Variants in TRAK1 observed in about 807,000 individuals in gnomAD.
The protein encoded by TRAK1 is trafficking kinesin-binding protein 1.
TRAK1 carries 33 observed loss-of-function variants against 92.1 expected under a neutral mutation model. That is an observed-to-expected ratio of 0.36 (90% CI 0.27 to 0.48). The LOEUF (loss-of-function observed/expected upper bound fraction) is 0.48, where lower values mean the gene tolerates loss of function less well. Ranked by LOEUF, TRAK1 falls within the 20% of genes least tolerant of loss-of-function variation. The probability of loss-of-function intolerance (pLI) is 0.99; values close to 1 mark genes in which losing one functional copy is unlikely to be tolerated. For missense variants in TRAK1, 1,123 were observed against 1,257.9 expected, an observed-to-expected ratio of 0.89 and a Z score of 1.62; for synonymous variants, 521 against 517.3, an observed-to-expected ratio of 1.01 and a Z score of -0.10.
At chr3:42,207,236 TCA>T (rs1708437779) in intron 13 of TRAK1, among the ~76,000 whole-genome samples, 3 of 152,168 alleles carry the variant, frequency 2.0e-5, no homozygotes, top group African/African-American at 7.2e-5. Context: ...TATTTTGTTA[TCA>T]GGAATGTGCC....
In TRAK1 at chr3:42,042,691, A is replaced by G. The variant is rs148696022; in HGVS notation, c.-519+28574A>G. ...CAGCCTGGAACTTTTATTTTTTTCA[A>G]TGACATAGAGACTTCTGAGTAGAAA... is the stretch of plus-strand genomic sequence containing the variant. On this transcript the variant is annotated intron_variant, in intron 1 of 16. Coordinates refer to the TRAK1 transcript ENST00000487159. Among the ~76,000 whole-genome samples, 875 of 152,188 alleles carry G rather than the reference A, an allele frequency of 5.7e-3. 5 individuals carry two copies. The highest frequency in any genetic ancestry group is 0.019 in the African/African-American group (806 of 41,524).
At chr3:42,028,936 A>G (rs1383822492) in intron 1 of TRAK1, among the ~76,000 whole-genome samples, 1 of 152,168 alleles carries the variant, frequency 6.6e-6, no homozygotes, top group Non-Finnish European at 1.5e-5. Flanking sequence ...TGGGTAATTT[A>G]CAAAGAAAAG....
intron 1 of TRAK1, among the ~76,000 whole-genome samples, chr3:42,058,483 G>GC (rs1171647527): frequency 6.6e-6 from 1 of 151,418 alleles, no homozygotes; most frequent in Non-Finnish European, 1.5e-5. Context: ...GATTACAGGC[G>GC]CCCCCGCCAC....
At chr3:42,084,007 A>G (rs1179420191), upstream of TRAK1, among the ~76,000 whole-genome samples, 1 of 152,050 alleles carries the variant, frequency 6.6e-6, no homozygotes, top group Non-Finnish European at 1.5e-5. Flanking sequence ...GGAATTTAAA[A>G]TTTTTACTAG....
intron 1 of TRAK1, among the ~76,000 whole-genome samples, chr3:42,027,430 G>A (rs188307900): frequency 1.7e-3 from 262 of 152,116 alleles, no homozygotes; most frequent in Non-Finnish European, 3.1e-3. Flanking sequence ...GGCTGAGGCA[G>A]GAGAATGGCG....
chr3:42,122,833 C>T (rs1014335461), intron 1 of TRAK1, among the ~76,000 whole-genome samples: 5 of 152,202 alleles, frequency 3.3e-5, no homozygotes, highest in Middle Eastern at 3.4e-3. Context: ...TGCAAAGTGA[C>T]GGAGCAGGTC....
intron 1 of TRAK1, among the ~76,000 whole-genome samples, chr3:42,094,374 CTT>C (rs1249206069): frequency 6.6e-6 from 1 of 152,160 alleles, no homozygotes; most frequent in Admixed American, 6.5e-5. Context: ...GGAGCTGAAA[CTT>C]TATTTTACTT....
intron 4 of TRAK1, among the ~76,000 whole-genome samples, chr3:42,187,462 G>A (rs1179884150): frequency 1.3e-5 from 2 of 152,112 alleles, no homozygotes; most frequent in Non-Finnish European, 2.9e-5. Context: ...ATCCCCACAA[G>A]CATCATTCTT....
intron 10 of TRAK1, among the ~76,000 whole-genome samples, chr3:42,198,361 T>C (rs1707048154): frequency 6.6e-6 from 1 of 152,204 alleles, no homozygotes; most frequent in African/African-American, 2.4e-5. Context: ...GAGAAACATG[T>C]GAGCTGTTGA....
At chr3:42,083,815 A>G (rs1704541512), upstream of TRAK1, among the ~76,000 whole-genome samples, 1 of 152,112 alleles carries the variant, frequency 6.6e-6, no homozygotes, top group South Asian at 2.1e-4. Context: ...GGCTGCGGTG[A>G]GCTGTGATTG....
chr3:42,166,489 T>C (rs1442675053), intron 2 of TRAK1, among the ~76,000 whole-genome samples: 1 of 152,224 alleles, frequency 6.6e-6, no homozygotes, highest in Non-Finnish European at 1.5e-5. Context: ...CATGGTTGTG[T>C]CTCTCTCGAC....
intron 1 of TRAK1, among the ~76,000 whole-genome samples, chr3:42,042,754 GAAAACGAT>G (rs1702598268): frequency 6.6e-6 from 1 of 152,080 alleles, no homozygotes; most frequent in African/African-American, 2.4e-5. Flanking sequence ...GTGAACCCAT[GAAAACGAT>G]TGCTTCACAG....
intron 2 of TRAK1, among the ~76,000 whole-genome samples, chr3:42,148,372 A>C (rs772565459): frequency 1.4e-4 from 22 of 152,238 alleles, no homozygotes; most frequent in Non-Finnish European, 3.2e-4. Flanking sequence ...TTAGGGAATG[A>C]AATTCAACCT....
chr3:42,129,400 A>G (rs1177403825), intron 2 of TRAK1, among the ~76,000 whole-genome samples: 3 of 152,148 alleles, frequency 2.0e-5, no homozygotes, highest in African/African-American at 7.2e-5. Context: ...TGCAGATCAG[A>G]GCAGACACAG....
At chr3:42,195,662 C>G (rs1706505174) in intron 10 of TRAK1, among the ~76,000 whole-genome samples, 1 of 151,998 alleles carries the variant, frequency 6.6e-6, no homozygotes, top group Non-Finnish European at 1.5e-5. Context: ...TTCTTTGCTC[C>G]CATGCATCAA....
intron 1 of TRAK1, among the ~76,000 whole-genome samples, chr3:42,025,767 T>C (rs557705034): frequency 2.3e-4 from 35 of 152,062 alleles, no homozygotes; most frequent in Admixed American, 1.7e-3. Flanking sequence ...GTCACGTGGG[T>C]GGTGAGCTCA....
Position 42,225,756 on chromosome 3 carries a change from G to T in TRAK1, c.*2019G>T, listed in dbSNP as rs950768771. 2.0e-5 allele frequency: 3 copies of T among 152,180 alleles called. No homozygotes were observed. Among genetic ancestry groups the T allele is most frequent in the African/African-American group, 7.2e-5 (3 of 41,434 alleles). 9.4% of individuals were successfully genotyped at this position (152,180 alleles called of 1,614,324 possible). On this transcript the variant is annotated 3_prime_UTR_variant, in exon 16 of 16. Transcript: ENST00000327628. ...TCACTAATGAGTATCAATAAAATAA[G>T]TTCAAATGATGGAAACCACACTGGT...
chr3:42,079,287 A>G (rs891145265), intron 1 of TRAK1, among the ~76,000 whole-genome samples: 1 of 152,154 alleles, frequency 6.6e-6, no homozygotes, highest in Non-Finnish European at 1.5e-5. Context: ...ATTGCTGAGT[A>G]AAATCCCTTG....
rs373576879 is a variant in TRAK1 at position 42,189,176 on chromosome 3, C to T, written c.690+52C>T. 28 of 1,406,140 alleles carry T rather than the reference C, an allele frequency of 2.0e-5. No individual in the cohort carries two copies. The Admixed American group carries it at 2.1e-4, about 10-fold the overall frequency. 87.1% of individuals were successfully genotyped at this position (1,406,140 alleles called of 1,614,324 possible). A position where few individuals can be genotyped will look rare whatever the true frequency, so the allele number is the denominator to read the frequency against. On this transcript the variant is annotated intron_variant, in intron 6 of 15. Transcript: ENST00000327628. ...CTGCTAGAAGGGTGGTGGCCCCATTCGCCTTATCTGGCAAGGACAACCATG... is the reference window on the plus strand; with the variant it reads ...CTGCTAGAAGGGTGGTGGCCCCATTTGCCTTATCTGGCAAGGACAACCATG...
Sources: allele counts gnomAD v4.1 joint callset (sites outside exome capture counted in the v4.1 genomes callset), GRCh38; gene constraint gnomAD v4.1.1; transcripts MANE v1.5; gene names NCBI Gene and HGNC (gene_info 2026-07-23, HGNC 2026-07-21).